Variants in IFT122 observed in about 807,000 individuals in gnomAD.
The protein encoded by IFT122 is intraflagellar transport 122.
A neutral mutation model predicts 161.6 loss-of-function variants in IFT122; 118 were observed. That is an observed-to-expected ratio of 0.73 (90% CI 0.63 to 0.85). The LOEUF (loss-of-function observed/expected upper bound fraction) is 0.85, where lower values mean the gene tolerates loss of function less well. Among genes scored for constraint, IFT122 ranks in the 40% least tolerant of loss-of-function variants. IFT122 has a pLI of 0.00. For synonymous variants in IFT122, 550 were observed against 602.4 expected (o/e 0.91, Z 1.27); for missense variants, 1,381 against 1,579.6 (o/e 0.87, Z 2.13).
Position 129,500,052 on chromosome 3 carries a change from C to G in IFT122, c.2359C>G (p.His787Asp). 1 of 1,614,174 alleles carries G rather than the reference C, an allele frequency of 6.2e-7. No homozygotes were observed. Among genetic ancestry groups the G allele is most frequent in the Admixed American group, 1.7e-5 (1 of 60,018 alleles). Residue 787 changes from histidine to aspartate, a missense_variant, in exon 19 of 30, where the codon CAT (histidine) becomes GAT (aspartate). Physicochemically the swap from His to Asp is moderately conservative, Grantham distance 81. Around this residue, in one of 7 missense-constraint regions of IFT122, gnomAD observed 496 missense variants for 502.5 expected, o/e 0.99. Coordinates refer to ENST00000348417, the MANE Select transcript of IFT122 (RefSeq NM_052989.3). Reference sequence around the variant, plus strand: ...CAAGGCCATCGAGATCTGTGGTGACCATGGCTGGGTTGACATGTAGGTTTT... The same window carrying G: ...CAAGGCCATCGAGATCTGTGGTGACGATGGCTGGGTTGACATGTAGGTTTT... ...HVKAIEICGD[H>D]GWVDMLIDIA...
chr3:129,457,931 G>T, intron 3 of IFT122: 1 of 158,466 alleles, frequency 6.3e-6, no homozygotes, highest in Non-Finnish European at 1.4e-5. Context: ...GTAGAGACGG[G>T]GTTTCACCGT....
At chr3:129,503,101 C>T (rs959136658) in intron 20 of IFT122, among the ~76,000 whole-genome samples, 6 of 152,170 alleles carry the variant, frequency 3.9e-5, no homozygotes, top group South Asian at 2.1e-4. Context: ...TTGAGAAAAT[C>T]GTTACTGACA....
chr3:129,477,090 G>A (rs1357243933), intron 11 of IFT122, among the ~76,000 whole-genome samples: 1 of 152,102 alleles, frequency 6.6e-6, no homozygotes, highest in East Asian at 1.9e-4. Flanking sequence ...TAGTGAGGGA[G>A]GATGATTTAT....
At chr3:129,503,643 CTG>C (rs1045442782) in intron 20 of IFT122, among the ~76,000 whole-genome samples, 3 of 152,162 alleles carry the variant, frequency 2.0e-5, no homozygotes, top group African/African-American at 7.2e-5. Flanking sequence ...AGCCGTCTGA[CTG>C]TTGTCTGCTC....
intron 17 of IFT122, among the ~76,000 whole-genome samples, chr3:129,495,193 C>A (rs532885836): frequency 1.3e-5 from 2 of 152,272 alleles, no homozygotes; most frequent in East Asian, 3.9e-4. Context: ...GGAAAGCAAC[C>A]CTGAGGAATT....
At chr3:129,504,171 G>C (rs988613197) in intron 20 of IFT122, 148 bp from the exon 21 acceptor site, 4 of 680,246 alleles carry the variant, frequency 5.9e-6, no homozygotes, top group Admixed American at 2.4e-5. Context: ...TTGCATTTCT[G>C]TGGGTAGTTT....
intron 10 of IFT122, 60 bp downstream of exon 10, chr3:129,476,566 G>A (rs2077973748): frequency 5.0e-6 from 8 of 1,613,254 alleles, no homozygotes; most frequent in South Asian, 1.1e-5. Flanking sequence ...AGCAGCCGCC[G>A]TGTCTCGAGT....
Position 129,460,733 on chromosome 3 carries a change from T to C in IFT122, c.273-495T>C, listed in dbSNP as rs573343465. 34 of 798,100 alleles carry C rather than the reference T, an allele frequency of 4.3e-5. No homozygotes were observed. The African/African-American group carries it at 4.7e-4, about 11-fold the overall frequency. 49.4% of individuals were successfully genotyped at this position (798,100 alleles called of 1,614,324 possible). On this transcript the variant is annotated intron_variant, in intron 4 of 29. Coordinates refer to ENST00000348417, the MANE Select transcript of IFT122 (RefSeq NM_052989.3). Reference sequence around the variant, plus strand: ...AACAATTTTTGAAGGAATGAATGAATGAGTGAAGTTGTAAGTAAAGTATTA... The same window carrying C: ...AACAATTTTTGAAGGAATGAATGAACGAGTGAAGTTGTAAGTAAAGTATTA...
Position 129,476,738 on chromosome 3 carries a change from C to G in IFT122, c.1084C>G (p.Arg362Gly), listed in dbSNP as rs765777740. Reference sequence around the variant, plus strand: ...CACAGTCCATGGGCTTTACAAGGACCGCTATGCCTACAGGGATAGCATGAC... The same window carrying G: ...CACAGTCCATGGGCTTTACAAGGACGGCTATGCCTACAGGGATAGCATGAC... Reference protein sequence around the residue: ...FSTVHGLYKDRYAYRDSMTDV... With the variant: ...FSTVHGLYKDGYAYRDSMTDV... The change falls in exon 11 of 30, where the codon CGC becomes GGC. Residue 362 changes from arginine (R) to glycine (G), a missense_variant. Arg to Gly is a moderately radical substitution (Grantham distance 125). Transcript: ENST00000348417. The G allele has an allele frequency of 1.1e-5, 18 of 1,614,022 alleles. No individual in the cohort carries two copies. The African/African-American group carries it at 1.2e-4, about 11-fold the overall frequency.
chr3:129,509,475 C>A (rs1456035361), intron 23 of IFT122, among the ~76,000 whole-genome samples: 2 of 152,194 alleles, frequency 1.3e-5, no homozygotes, highest in Non-Finnish European at 2.9e-5. Flanking sequence ...GTTAGCAGTT[C>A]CTGGGCCAAA....
intron 2 of IFT122, 149 bp from the exon 3 acceptor site, chr3:129,451,764 TG>T (rs1316488304): frequency 1.4e-6 from 1 of 690,266 alleles, no homozygotes; most frequent in Non-Finnish European, 2.6e-6. Context: ...TAAGTCACGT[TG>T]TTTTTGGTTT....
At chr3:129,451,849 C>G in intron 2 of IFT122, 65 bp from the exon 3 acceptor site, 1 of 1,345,658 alleles carries the variant, frequency 7.4e-7, no homozygotes, top group Non-Finnish European at 1.1e-6. Context: ...ATAGCAGTAG[C>G]AACCCTGCAG....
At chr3:129,469,169 C>T (rs1466957825) in intron 8 of IFT122, among the ~76,000 whole-genome samples, 173 bp from the exon 9 acceptor site, 4 of 152,224 alleles carry the variant, frequency 2.6e-5, no homozygotes, top group Admixed American at 6.5e-5. Context: ...TGCTTCATCC[C>T]GTAAGACTGA....
chr3:129,446,357 T>C (rs2073994906), intron 1 of IFT122, among the ~76,000 whole-genome samples: 2 of 151,962 alleles, frequency 1.3e-5, no homozygotes, highest in Admixed American at 6.6e-5. Context: ...CCCGTGTAGC[T>C]GGGACTATAG....
At chr3:129,488,775 T>C (rs954964432) in intron 16 of IFT122, among the ~76,000 whole-genome samples, 6 of 151,828 alleles carry the variant, frequency 4.0e-5, no homozygotes, top group Non-Finnish European at 5.9e-5. Flanking sequence ...AATGGCGGCT[T>C]TTATTATCGG....
intron 3 of IFT122, among the ~76,000 whole-genome samples, chr3:129,458,256 T>C (rs1260025724): frequency 6.6e-6 from 1 of 152,210 alleles, no homozygotes; most frequent in Non-Finnish European, 1.5e-5. Flanking sequence ...TCTTACCATG[T>C]TGTATTTGTG....
chr3:129,452,610 T>C (rs1291779272), intron 3 of IFT122, among the ~76,000 whole-genome samples: 1 of 152,146 alleles, frequency 6.6e-6, no homozygotes, highest in Non-Finnish European at 1.5e-5. Flanking sequence ...TGCTAGGAGC[T>C]GGATCAAAGA....
At chr3:129,516,958 G>A (rs1277878576) in intron 26 of IFT122, among the ~76,000 whole-genome samples, 2 of 118,422 alleles carry the variant, frequency 1.7e-5, no homozygotes. Flanking sequence ...CACAGAGACT[G>A]CCCCTACACA....
Position 129,492,208 on chromosome 3 carries a change from C to T in IFT122, c.2046+14C>T, listed in dbSNP as rs1356138045. ...AGCAGCATTGAGGTAAAAGATGAAG[C>T]ATTTTTCCTTCTCAAGAAGGCATAC... On this transcript the variant is annotated intron_variant, in intron 17 of 29. Transcript: ENST00000348417. The T allele has an allele frequency of 2.5e-6, 4 of 1,606,264 alleles. No individual in the cohort carries two copies. The highest frequency in any genetic ancestry group is 3.4e-6 in the Non-Finnish European group (4 of 1,172,944).
Sources: allele counts gnomAD v4.1 joint callset (sites outside exome capture counted in the v4.1 genomes callset), GRCh38; gene constraint gnomAD v4.1.1; regional missense constraint gnomAD v4.1.1; transcripts MANE v1.5; gene names NCBI Gene and HGNC (gene_info 2026-07-23, HGNC 2026-07-21).